DNAH8: variants seen among roughly 807,000 people sequenced by gnomAD.
DNAH8 encodes the protein axonemal beta dynein heavy chain 8.
A neutral mutation model predicts 562.1 loss-of-function variants in DNAH8; 382 were observed. The ratio of observed to expected loss-of-function variants is 0.68; its 90% confidence interval spans 0.63 to 0.74. The LOEUF is 0.74. DNAH8 is among the 30% of genes least tolerant of loss of function. The probability of loss-of-function intolerance (pLI) is 0.00; values close to 1 mark genes in which losing one functional copy is unlikely to be tolerated. For missense variants in DNAH8, 5,203 were observed against 5,620.4 expected, an observed-to-expected ratio of 0.93 and a Z score of 2.37; for synonymous variants, 1,881 against 1,919.4, an observed-to-expected ratio of 0.98 and a Z score of 0.52.
At chr6:38,720,563 A>G (rs150673517) in intron 1 of DNAH8, among the ~76,000 whole-genome samples, 2 of 152,338 alleles carry the variant, frequency 1.3e-5, no homozygotes, top group East Asian at 3.9e-4. Context: ...CTAGTGAAAA[A>G]CAAAAGAAAA....
At chr6:38,815,752 G>A in intron 26 of DNAH8, 95 bp downstream of exon 26, 3 of 1,164,632 alleles carry the variant, frequency 2.6e-6, no homozygotes, top group Admixed American at 2.9e-5. Flanking sequence ...GATACCTTTT[G>A]CATTTAAAAA....
intron 75 of DNAH8, among the ~76,000 whole-genome samples, chr6:38,930,714 G>A (rs971828237): frequency 6.6e-6 from 1 of 151,998 alleles, no homozygotes; most frequent in African/African-American, 2.4e-5. Context: ...CATTTAAAAA[G>A]GTTTAATCCA....
chr6:38,938,272 G>A (rs369903233), intron 78 of DNAH8, 46 bp downstream of exon 78: 2 of 1,562,984 alleles, frequency 1.3e-6, no homozygotes, highest in African/African-American at 2.7e-5. Context: ...TTAAAAGTTT[G>A]CTTGTATTTC....
chr6:38,800,517 G>T (rs764180893), intron 21 of DNAH8, among the ~76,000 whole-genome samples: 9 of 152,000 alleles, frequency 5.9e-5, no homozygotes, highest in Non-Finnish European at 1.3e-4. Flanking sequence ...TCTTTCATGT[G>T]CTTATTTTTA....
intron 37 of DNAH8, among the ~76,000 whole-genome samples, chr6:38,849,304 ACT>A (rs1205361440): frequency 6.6e-6 from 1 of 152,160 alleles, no homozygotes; most frequent in Non-Finnish European, 1.5e-5. Context: ...GCACAGATCA[ACT>A]TTAGTTAATT....
At chr6:38,844,465 C>CA (rs1775117233) in intron 35 of DNAH8, among the ~76,000 whole-genome samples, 1 of 152,206 alleles carries the variant, frequency 6.6e-6, no homozygotes, top group South Asian at 2.1e-4. Flanking sequence ...CATGTGTGCA[C>CA]AAAAAGCTTT....
chr6:38,883,894 G>T lies in DNAH8; in HGVS notation c.8155G>T (p.Val2719Leu). Residue 2719 changes from valine to leucine, a missense_variant, in exon 56 of 93, where the codon GTG (valine) becomes TTG (leucine). Physicochemically the swap from Val to Leu is conservative, Grantham distance 32. This residue lies in a region of DNAH8 where 977 missense variants were observed against 1,061.8 expected (regional missense o/e 0.92). Coordinates refer to ENST00000327475, the MANE Select transcript of DNAH8 (RefSeq NM_001206927.2). ...MMFQRTIESYVDKRIGSTYGP... is the reference protein window; with the variant it reads ...MMFQRTIESYLDKRIGSTYGP... ...TCTCTAGAGAACAATTGAAAGCTAC[G>T]TGGATAAGCGAATTGGAAGCACATA... 6.3e-7 allele frequency: 1 copy of T among 1,586,020 alleles called. No individual in the cohort carries two copies. The highest frequency in any genetic ancestry group is 2.3e-5 in the East Asian group (1 of 43,556).
intron 53 of DNAH8, among the ~76,000 whole-genome samples, chr6:38,881,404 C>T (rs1036088582): frequency 1.3e-5 from 2 of 152,040 alleles, no homozygotes; most frequent in Non-Finnish European, 1.5e-5. Context: ...AGAGGCTAAA[C>T]GTATCAATGA....
At chr6:39,013,325 G>A (rs555592076) in intron 91 of DNAH8, among the ~76,000 whole-genome samples, 2 of 152,264 alleles carry the variant, frequency 1.3e-5, no homozygotes, top group African/African-American at 4.8e-5. Flanking sequence ...AGCAGCTTAT[G>A]GCTCCATTTG....
intron 35 of DNAH8, among the ~76,000 whole-genome samples, chr6:38,843,449 C>G (rs912295932): frequency 1.3e-5 from 2 of 151,676 alleles, no homozygotes; most frequent in African/African-American, 4.8e-5. Flanking sequence ...GGTTTCAAAT[C>G]TATAGATTTA....
intron 29 of DNAH8, among the ~76,000 whole-genome samples, chr6:38,827,228 T>TCA (rs1178895764): frequency 6.6e-6 from 1 of 152,212 alleles, no homozygotes; most frequent in African/African-American, 2.4e-5. Flanking sequence ...GCCCGCCTGT[T>TCA]AATCCAGGGT....
rs185108195 is a variant in DNAH8 at position 38,845,482 on chromosome 6, C to T, written c.4846-92C>T. 2.3e-4 allele frequency: 207 copies of T among 914,568 alleles called. No individual in the cohort carries two copies. In the African/African-American group the frequency reaches 3.1e-3, roughly 14 times the overall value. The allele number at this position is 914,568 out of a possible 1,614,324, so 56.7% of individuals were successfully genotyped here. ...AAATGAACTGGGTGACTTACAGGTCCCTTTCAAGCAAAAAAAAAATTCTAT... is the reference window on the plus strand; with the variant it reads ...AAATGAACTGGGTGACTTACAGGTCTCTTTCAAGCAAAAAAAAAATTCTAT... On this transcript the variant is annotated intron_variant, in intron 35 of 92. Transcript: ENST00000327475.
At chr6:38,778,731 G>A (rs1768298644) in intron 14 of DNAH8, among the ~76,000 whole-genome samples, 1 of 152,086 alleles carries the variant, frequency 6.6e-6, no homozygotes, top group African/African-American at 2.4e-5. Flanking sequence ...CCCCAGCCAT[G>A]TCATATGTTT....
chr6:38,752,079 A>G (rs940163578), intron 9 of DNAH8, among the ~76,000 whole-genome samples: 5 of 152,208 alleles, frequency 3.3e-5, no homozygotes, highest in African/African-American at 1.2e-4. Context: ...TATCTGTAGC[A>G]TTATGGGTTG....
chr6:39,013,945 T>C (rs1196070875), intron 91 of DNAH8, among the ~76,000 whole-genome samples: 1 of 152,124 alleles, frequency 6.6e-6, no homozygotes, highest in Non-Finnish European at 1.5e-5. Flanking sequence ...ATCTGGATAC[T>C]GGTTATGTGG....
At chr6:38,845,430 A>T in intron 35 of DNAH8, 144 bp from the exon 36 acceptor site, 1 of 626,388 alleles carries the variant, frequency 1.6e-6, no homozygotes. Context: ...CAATGATCTG[A>T]AGCCTTTTCT....
rs1388041623 is a variant in DNAH8 at position 38,882,966 on chromosome 6, A to G, written c.7915A>G (p.Ile2639Val). 6.2e-7 allele frequency: 1 copy of G among 1,606,048 alleles called. No homozygotes were observed. Reference sequence around the variant, plus strand: ...GCCTTATTATTATCCAACTGACAGTATTCCGGAATATTCATCAATTTTGGT... The same window carrying G: ...GCCTTATTATTATCCAACTGACAGTGTTCCGGAATATTCATCAATTTTGGT... ...LQPYYYPTDS[I>V]PEYSSILVPN... is the part of the protein sequence containing the mutation. Residue 2639 changes from isoleucine (I) to valine (V), a missense_variant, in exon 54 of 93, where the codon ATT becomes GTT. By Grantham distance (29) the Ile-to-Val change is conservative. This residue lies in a region of DNAH8 where 977 missense variants were observed against 1,061.8 expected (regional missense o/e 0.92). Transcript: ENST00000327475.
chr6:38,872,839 T>G, intron 50 of DNAH8, 57 bp downstream of exon 50: 1 of 1,606,496 alleles, frequency 6.2e-7, no homozygotes, highest in Middle Eastern at 1.7e-4. Context: ...TAACACAGTA[T>G]TTTTTTGATT....
At chr6:39,028,555 C>T (rs976512178) in intron 92 of DNAH8, among the ~76,000 whole-genome samples, 1 of 152,180 alleles carries the variant, frequency 6.6e-6, no homozygotes, top group Non-Finnish European at 1.5e-5. Context: ...TAGGACCTAC[C>T]TTAATTCAGT....
Sources: allele counts gnomAD v4.1 joint callset (sites outside exome capture counted in the v4.1 genomes callset), GRCh38; gene constraint gnomAD v4.1.1; regional missense constraint gnomAD v4.1.1; transcripts MANE v1.5; gene names NCBI Gene and HGNC (gene_info 2026-07-23, HGNC 2026-07-21).